LILRA2: variants seen among roughly 807,000 people sequenced by gnomAD.
The protein encoded by LILRA2 is leukocyte immunoglobulin like receptor A2, also known as leukocyte immunoglobulin-like receptor subfamily A member 2.
A neutral mutation model predicts 47.9 loss-of-function variants in LILRA2; 45 were observed. The ratio of observed to expected loss-of-function variants is 0.94; its 90% confidence interval spans 0.74 to 1.20. The LOEUF (loss-of-function observed/expected upper bound fraction) is 1.20. Among genes scored for constraint, LILRA2 ranks in the 50% most tolerant of loss-of-function variants. The pLI, the probability that LILRA2 is intolerant of heterozygous loss-of-function variation, is 0.00. For synonymous variants in LILRA2, 279 were observed against 249.2 expected (o/e 1.12, Z -1.13); for missense variants, 651 against 598.2 (o/e 1.09, Z -0.92).
At chr19:54,581,642 A>G (rs2062636697) in intron 6 of LILRA2, among the ~76,000 whole-genome samples, 1 of 151,090 alleles carries the variant, frequency 6.6e-6, no homozygotes, top group African/African-American at 2.5e-5. Context: ...AGTGCTACAA[A>G]CCACTGCTCA....
Position 54,574,678 on chromosome 19 carries a change from G to A in LILRA2, c.353-53G>A, listed in dbSNP as rs370535804. On this transcript the variant is annotated intron_variant, in intron 3 of 7. Transcript: ENST00000391738. ...TCCGCTCTCACAGCTCAACCCTGGG[G>A]ATGATGTGGGAGGTGGGAGCCCCAT... The A allele has an allele frequency of 4.4e-6, 7 of 1,602,118 alleles. No individual in the cohort carries two copies. The African/African-American group carries it at 5.4e-5, about 12-fold the overall frequency.
At chr19:54,578,583 A>G (rs941123782) in intron 6 of LILRA2, among the ~76,000 whole-genome samples, 19 of 152,194 alleles carry the variant, frequency 1.2e-4, no homozygotes, top group African/African-American at 4.3e-4. Flanking sequence ...CAGTAAACAT[A>G]TGTGTGCATG....
At chr19:54,578,865 G>C (rs1308240856) in intron 6 of LILRA2, among the ~76,000 whole-genome samples, 1 of 152,146 alleles carries the variant, frequency 6.6e-6, no homozygotes, top group Non-Finnish European at 1.5e-5. Flanking sequence ...GCATTTCTCT[G>C]ATGACCAGTG....
chr19:54,577,358 T>C, intron 6 of LILRA2: 1 of 928,888 alleles, frequency 1.1e-6, no homozygotes, highest in South Asian at 1.7e-5. Context: ...AGGCCTGACT[T>C]GGACACTGGG....
chr19:54,577,639 C>G (rs2062508754), intron 6 of LILRA2: 2 of 1,289,530 alleles, frequency 1.6e-6, no homozygotes, highest in African/African-American at 3.0e-5. Flanking sequence ...CACACTGCCC[C>G]TCCTGTGCTC....
chr19:54,574,797 C>A lies in LILRA2; in HGVS notation c.419C>A (p.Thr140Asn). 1 of 1,614,276 alleles carries A rather than the reference C, an allele frequency of 6.2e-7. No homozygotes were observed. Among genetic ancestry groups the A allele is most frequent in the Non-Finnish European group, 8.5e-7 (1 of 1,180,040 alleles). ...SPVVTSGGNV[T>N]LQCVSQVAFD... ...GTGGTGACCTCAGGAGGGAACGTGACCCTCCAGTGTGTCTCACAGGTGGCA... is the reference window on the plus strand; with the variant it reads ...GTGGTGACCTCAGGAGGGAACGTGAACCTCCAGTGTGTCTCACAGGTGGCA... The change falls in exon 4 of 8, where the codon ACC becomes AAC. Residue 140 changes from threonine (T) to asparagine (N), a missense_variant. Physicochemically the swap from Thr to Asn is moderately conservative, Grantham distance 65. Transcript: ENST00000391738.
chr19:54,577,335 G>A, intron 6 of LILRA2: 1 of 606,332 alleles, frequency 1.6e-6, no homozygotes. Context: ...TGGGTGGGGA[G>A]GATTTGGGGT....
chr19:54,585,110 G>A (rs1173181475), intron 6 of LILRA2, among the ~76,000 whole-genome samples: 1 of 152,166 alleles, frequency 6.6e-6, no homozygotes, highest in East Asian at 1.9e-4. Context: ...ACCAGCAGAG[G>A]CTGCAGAACA....
At chr19:54,581,558 C>T (rs896985778) in intron 6 of LILRA2, among the ~76,000 whole-genome samples, 1 of 148,898 alleles carries the variant, frequency 6.7e-6, no homozygotes, top group African/African-American at 2.5e-5. Context: ...TTCCATTGAT[C>T]TATATCTCTG....
chr19:54,582,552 T>G (rs1360833592), intron 6 of LILRA2, among the ~76,000 whole-genome samples: 2 of 152,194 alleles, frequency 1.3e-5, no homozygotes, highest in South Asian at 4.1e-4. Flanking sequence ...GATTTTCTAG[T>G]TTATTTGTGT....
At chr19:54,577,488 C>T in intron 6 of LILRA2, 1 of 1,289,134 alleles carries the variant, frequency 7.8e-7, no homozygotes, top group Non-Finnish European at 1.0e-6. Context: ...AAGCCCTTCA[C>T]CCACACCTGC....
intron 6 of LILRA2, among the ~76,000 whole-genome samples, chr19:54,586,197 T>C (rs975292245): frequency 1.3e-5 from 2 of 152,176 alleles, no homozygotes; most frequent in Non-Finnish European, 2.9e-5. Context: ...ACACATGATG[T>C]GAGTGGAGGT....
In LILRA2 at chr19:54,576,911, G is replaced by C. The variant is rs867067254; in HGVS notation, c.1255+802G>C. Among the ~76,000 whole-genome samples, 291 of 151,908 alleles carry C rather than the reference G, an allele frequency of 1.9e-3. No individual in the cohort carries two copies. The South Asian group carries it at 0.04, about 21-fold the overall frequency. ...CACCCTGGACTCCTCATCTGAATAA[G>C]GGGGAGCTGCCTGGATGTGACTGCC... On this transcript the variant is annotated intron_variant, in intron 6 of 7. Transcript: ENST00000391738.
At chr19:54,577,692 G>A (rs2145984622) in intron 6 of LILRA2, 1 of 1,283,748 alleles carries the variant, frequency 7.8e-7, no homozygotes, top group African/African-American at 1.5e-5. Flanking sequence ...AGAATAAGGA[G>A]GGGCCCTGCA....
At chr19:54,573,219 T>C, upstream of LILRA2, 1 of 455,530 alleles carries the variant, frequency 2.2e-6, no homozygotes, top group Non-Finnish European at 4.1e-6. Flanking sequence ...TCCTGGCCTC[T>C]AGCCTTCACC....
Position 54,588,940 on chromosome 19 carries a change from A to C in LILRA2, c.*1594A>C, listed in dbSNP as rs2062879686. ...CTCAGCCTCCCAGAGTGCTGGGATT[A>C]CAGGTGTAAGCCACTGTGCCCGGCT... is the stretch of plus-strand genomic sequence containing the variant. On this transcript the variant is annotated 3_prime_UTR_variant, in exon 8 of 8. Coordinates refer to ENST00000391738, the MANE Select transcript of LILRA2 (RefSeq NM_001130917.3). 6.6e-6 allele frequency: 1 copy of C among 152,144 alleles called. No individual in the cohort carries two copies. Among genetic ancestry groups the C allele is most frequent in the South Asian group, 2.1e-4 (1 of 4,824 alleles). 9.4% of individuals were successfully genotyped at this position (152,144 alleles called of 1,614,324 possible).
chr19:54,577,744 T>G, intron 6 of LILRA2: 1 of 1,205,546 alleles, frequency 8.3e-7, no homozygotes, highest in Non-Finnish European at 1.1e-6. Context: ...ACAGCACGTC[T>G]TTCTGTTTAA....
In LILRA2 at chr19:54,574,431, A is replaced by G. The variant is rs1161040162; in HGVS notation, c.201A>G (p.Ala67=). 3 of 1,614,018 alleles carry G rather than the reference A, an allele frequency of 1.9e-6. No homozygotes were observed. The highest frequency in any genetic ancestry group is 1.3e-5 in the African/African-American group (1 of 74,886). Residue 67 remains alanine (A), a synonymous_variant, in exon 3 of 8, where the codon GCA becomes GCG. Transcript: ENST00000391738. ...EYHLYRENKS[A]SWVRRIQEPG... ...ATCTATATAGGGAAAACAAATCAGCATCCTGGGTTAGACGGATACAAGAGC... is the reference window on the plus strand; with the variant it reads ...ATCTATATAGGGAAAACAAATCAGCGTCCTGGGTTAGACGGATACAAGAGC...
chr19:54,579,028 G>C (rs1249145937), intron 6 of LILRA2, among the ~76,000 whole-genome samples: 1 of 151,860 alleles, frequency 6.6e-6, no homozygotes, highest in African/African-American at 2.4e-5. Flanking sequence ...TTGCCAAATG[G>C]GTAGATTGCA....
Sources: allele counts gnomAD v4.1 joint callset (sites outside exome capture counted in the v4.1 genomes callset), GRCh38; gene constraint gnomAD v4.1.1; transcripts MANE v1.5; gene names NCBI Gene and HGNC (gene_info 2026-07-23, HGNC 2026-07-21).